CADPS: variants seen among roughly 807,000 people sequenced by gnomAD.
CADPS encodes calcium dependent secretion activator.
CADPS carries 57 observed loss-of-function variants against 167.3 expected under a neutral mutation model. The observed-to-expected ratio is 0.34, with a 90% CI of 0.28 to 0.42. CADPS has a LOEUF of 0.42. Among genes scored for constraint, CADPS ranks in the 20% least tolerant of loss-of-function variants. The pLI is 1.00. For synonymous variants in CADPS, 676 were observed against 635.3 expected (o/e 1.06, Z -0.96); for missense variants, 1,414 against 1,738.1 (o/e 0.81, Z 3.32).
intron 1 of CADPS, among the ~76,000 whole-genome samples, chr3:62,833,769 G>T (rs565416542): frequency 1.4e-4 from 22 of 152,168 alleles, no homozygotes; most frequent in African/African-American, 5.3e-4. Flanking sequence ...CACACCCCTT[G>T]CCCCAAAACA....
chr3:62,576,809 A>G (rs1035646085), intron 8 of CADPS, among the ~76,000 whole-genome samples: 3 of 149,880 alleles, frequency 2.0e-5, no homozygotes, highest in African/African-American at 7.3e-5. Flanking sequence ...AAAAAAAAAA[A>G]AAAAAAAAGC....
intron 3 of CADPS, among the ~76,000 whole-genome samples, chr3:62,698,358 T>C (rs531242669): frequency 6.6e-5 from 10 of 152,226 alleles, no homozygotes; most frequent in Admixed American, 5.9e-4. Context: ...CTTCCCACTG[T>C]TTCATGTGTG....
intron 6 of CADPS, among the ~76,000 whole-genome samples, chr3:62,641,243 C>A (rs1370461186): frequency 6.6e-6 from 1 of 152,162 alleles, no homozygotes; most frequent in East Asian, 1.9e-4. Context: ...GCAGAAGGCT[C>A]TGAGACTGAG....
At chr3:62,530,748 G>T (rs141924743) in intron 13 of CADPS, 61 of 1,288,888 alleles carry the variant, frequency 4.7e-5, no homozygotes, top group Non-Finnish European at 6.0e-5. Context: ...GGTGGGGAGG[G>T]AGTTTTGCTC....
At position 62,705,267 on chromosome 3, in the gene CADPS, G is replaced by A. The variant is rs184108996; in HGVS notation, c.889-42873C>T. Among the ~76,000 whole-genome samples, 3 of 152,182 alleles carry A rather than the reference G, an allele frequency of 2.0e-5. No homozygotes were observed. In the East Asian group the frequency reaches 5.8e-4, roughly 29 times the overall value. On this transcript the variant is annotated intron_variant, in intron 3 of 29. Transcript: ENST00000383710. ...TTCTCTCCCTTTCGAGGCAGTAAGT[G>A]TCCTTATCCTATAGGTAGCTCCCAC...
At chr3:62,416,140 G>A (rs557337575) in intron 28 of CADPS, among the ~76,000 whole-genome samples, 17 of 152,278 alleles carry the variant, frequency 1.1e-4, no homozygotes, top group East Asian at 3.9e-4. Context: ...TTGAGGGCAG[G>A]AGATTAAGCA....
intron 11 of CADPS, among the ~76,000 whole-genome samples, chr3:62,538,700 G>A (rs1215526237): frequency 6.6e-6 from 1 of 152,034 alleles, no homozygotes; most frequent in Non-Finnish European, 1.5e-5. Flanking sequence ...TGGTACAACT[G>A]GTCATTTAGC....
At chr3:62,715,725 C>T (rs994048252) in intron 3 of CADPS, among the ~76,000 whole-genome samples, 6 of 146,206 alleles carry the variant, frequency 4.1e-5, no homozygotes, top group African/African-American at 1.2e-4. Context: ...TATGTGGTAC[C>T]ACATTTCAAT....
intron 21 of CADPS, among the ~76,000 whole-genome samples, chr3:62,483,047 C>T (rs2062243571): frequency 6.6e-6 from 1 of 151,952 alleles, no homozygotes; most frequent in Admixed American, 6.6e-5. Context: ...CCGTGTGTCT[C>T]AGTAGTGGCA....
intron 4 of CADPS, among the ~76,000 whole-genome samples, chr3:62,653,603 C>T (rs1049423162): frequency 5.3e-5 from 8 of 152,092 alleles, no homozygotes; most frequent in African/African-American, 1.7e-4. Flanking sequence ...TATCTTAATA[C>T]TCCTGTTGAA....
rs2150068695 is a variant in CADPS at position 62,645,704 on chromosome 3, T to C, written c.1325+18A>G. 6.2e-7 allele frequency: 1 copy of C among 1,613,452 alleles called. No individual in the cohort carries two copies. The highest frequency in any genetic ancestry group is 1.3e-5 in the African/African-American group (1 of 75,012). ...CAGCAACCCTCTATAAGATGGACCC[T>C]GGAGAAACATAACTTACGTTGGTTT... On this transcript the variant is annotated intron_variant, in intron 6 of 29. Coordinates refer to ENST00000383710, the MANE Select transcript of CADPS (RefSeq NM_003716.4).
At chr3:62,532,693 A>C (rs1365919597) in intron 13 of CADPS, among the ~76,000 whole-genome samples, 178 bp downstream of exon 13, 2 of 149,096 alleles carry the variant, frequency 1.3e-5, no homozygotes, top group African/African-American at 5.0e-5. Context: ...AAGTTTCTTG[A>C]AAGGAGAAGA....
chr3:62,813,231 T>C (rs1354828531), intron 1 of CADPS, among the ~76,000 whole-genome samples: 1 of 152,066 alleles, frequency 6.6e-6, no homozygotes, highest in African/African-American at 2.4e-5. Context: ...AAGCCCACAG[T>C]AACCTAAACA....
chr3:62,686,956 T>A (rs972514635), intron 3 of CADPS, among the ~76,000 whole-genome samples: 8 of 152,124 alleles, frequency 5.3e-5, no homozygotes, highest in African/African-American at 1.7e-4. Context: ...CAAAAGGTGC[T>A]GGCCTCATGC....
At chr3:62,740,868 T>G (rs2080076172) in intron 3 of CADPS, among the ~76,000 whole-genome samples, 1 of 152,232 alleles carries the variant, frequency 6.6e-6, no homozygotes. Flanking sequence ...ACATCGATAA[T>G]AAATAGCTAA....
At position 62,796,550 on chromosome 3, in the gene CADPS, G is replaced by T. The variant is rs191064496; in HGVS notation, c.442-30566C>A. ...GAAGGAGTTACATAAGAAGACAAAT[G>T]ATGTCTTAAAAAGACATTAAAAATT... On this transcript the variant is annotated intron_variant, in intron 1 of 29. Coordinates refer to ENST00000383710, the MANE Select transcript of CADPS (RefSeq NM_003716.4). 27 of 152,300 alleles carry T rather than the reference G, an allele frequency of 1.8e-4. No homozygotes were observed. The East Asian group carries it at 4.8e-3, about 27-fold the overall frequency. 9.4% of individuals were successfully genotyped at this position (152,300 alleles called of 1,614,324 possible).
chr3:62,831,508 C>G (rs2075080232), intron 1 of CADPS, among the ~76,000 whole-genome samples: 1 of 152,046 alleles, frequency 6.6e-6, no homozygotes, highest in Non-Finnish European at 1.5e-5. Context: ...GTTCCATTAC[C>G]AAATTACTGC....
In CADPS at chr3:62,474,313, T is replaced by C; in HGVS notation, c.3337A>G (p.Ile1113Val). ...MIESCVKRTRIAFEVKLQKTS... is the reference protein window; with the variant it reads ...MIESCVKRTRVAFEVKLQKTS... ...TTTTGCAGCTTAACTTCAAATGCAA[T>C]CCTGGTTCTATTAAAACAAAGTAGG... Residue 1113 changes from isoleucine (I) to valine (V), a missense_variant, in exon 24 of 30, where the codon ATT (isoleucine) becomes GTT (valine). Physicochemically the swap from Ile to Val is conservative, Grantham distance 29. Transcript: ENST00000383710. 1 of 1,613,618 alleles carries C rather than the reference T, an allele frequency of 6.2e-7. No homozygotes were observed. Among genetic ancestry groups the C allele is most frequent in the East Asian group, 2.2e-5 (1 of 44,846 alleles).
chr3:62,569,733 C>A (rs1189543676), intron 9 of CADPS, among the ~76,000 whole-genome samples: 1 of 152,178 alleles, frequency 6.6e-6, no homozygotes, highest in African/African-American at 2.4e-5. Context: ...CAGTAAGAAC[C>A]TTTGTCACTC....
Sources: allele counts gnomAD v4.1 joint callset (sites outside exome capture counted in the v4.1 genomes callset), GRCh38; gene constraint gnomAD v4.1.1; transcripts MANE v1.5; gene names NCBI Gene and HGNC (gene_info 2026-07-23, HGNC 2026-07-21).